Variants in GALNTL6 observed in about 807,000 individuals in gnomAD.
GALNTL6 encodes the protein polypeptide N-acetylgalactosaminyltransferase like 6.
Under a neutral mutation model 73.7 loss-of-function variants are expected in GALNTL6, and 46 were observed. That is an observed-to-expected ratio of 0.62 (90% CI 0.49 to 0.80). The LOEUF (loss-of-function observed/expected upper bound fraction) is 0.80, where lower values mean the gene tolerates loss of function less well. Among genes scored for constraint, GALNTL6 ranks in the 30% least tolerant of loss-of-function variants. The pLI, the probability that GALNTL6 is intolerant of heterozygous loss-of-function variation, is 0.00. For synonymous variants in GALNTL6, 259 were observed against 263.7 expected (o/e 0.98, Z 0.17); for missense variants, 604 against 755.0 (o/e 0.80, Z 2.34).
intron 3 of GALNTL6, among the ~76,000 whole-genome samples, chr4:172,308,419 T>C (rs1740233278): frequency 6.6e-6 from 1 of 151,922 alleles, no homozygotes; most frequent in Non-Finnish European, 1.5e-5. Flanking sequence ...CTCAGGCAAA[T>C]GCTGTGAACT....
rs1387979744 is a variant in GALNTL6, at chr4:172,647,105, T to C, written c.554-162256T>C. ...AAAAATTAGGTCCTAACTTTTGTTATTCACCACACAAGATGTCCTTAAGGA... is the reference window on the plus strand; with the variant it reads ...AAAAATTAGGTCCTAACTTTTGTTACTCACCACACAAGATGTCCTTAAGGA... On this transcript the variant is annotated intron_variant, in intron 5 of 12. Coordinates refer to ENST00000506823, the MANE Select transcript of GALNTL6 (RefSeq NM_001034845.3). Among the ~76,000 whole-genome samples, 3 of 152,080 alleles carry C rather than the reference T, an allele frequency of 2.0e-5. No individual in the cohort carries two copies. The East Asian group carries it at 5.8e-4, about 29-fold the overall frequency.
At chr4:172,534,156 A>C (rs1360566163) in intron 5 of GALNTL6, among the ~76,000 whole-genome samples, 1 of 152,134 alleles carries the variant, frequency 6.6e-6, no homozygotes, top group African/African-American at 2.4e-5. Flanking sequence ...AGTTCTCTTC[A>C]CCCAATGGGT....
chr4:173,027,569 G>A lies in GALNTL6; in HGVS notation c.1638+5944G>A, dbSNP rs1488922496. ...ATAAACTAAATTAATCTAATAGGAA[G>A]TATAGCCAAAAACCCACAACTACCA... On this transcript the variant is annotated intron_variant, in intron 12 of 12. Coordinates refer to ENST00000506823, the MANE Select transcript of GALNTL6 (RefSeq NM_001034845.3). Among the ~76,000 whole-genome samples the A allele has an allele frequency of 2.6e-5, 4 of 152,212 alleles. No homozygotes were observed. In the East Asian group the frequency reaches 7.7e-4, roughly 29 times the overall value.
At chr4:173,009,075 A>G in intron 10 of GALNTL6, 103 bp from the exon 11 acceptor site, 2 of 776,690 alleles carry the variant, frequency 2.6e-6, no homozygotes, top group Non-Finnish European at 4.5e-6. Flanking sequence ...GCATGTAACC[A>G]AAAAGATAAT....
intron 2 of GALNTL6, among the ~76,000 whole-genome samples, chr4:171,919,434 G>C (rs572299057): frequency 2.0e-5 from 3 of 152,050 alleles, no homozygotes; most frequent in Non-Finnish European, 4.4e-5. Flanking sequence ...GTTACCCTAA[G>C]GACTTGTTAG....
intron 5 of GALNTL6, among the ~76,000 whole-genome samples, chr4:172,672,943 A>AT (rs201368664): frequency 6.6e-6 from 1 of 151,756 alleles, no homozygotes; most frequent in African/African-American, 2.4e-5. Context: ...ATAACAGTCT[A>AT]TTTTTTTATT....
intron 9 of GALNTL6, among the ~76,000 whole-genome samples, chr4:172,946,627 A>T (rs1438361048): frequency 6.6e-6 from 1 of 152,214 alleles, no homozygotes; most frequent in Non-Finnish European, 1.5e-5. Flanking sequence ...GCACAAAGAA[A>T]ACAAGACTAG....
At chr4:172,792,979 A>G (rs1308638688) in intron 5 of GALNTL6, among the ~76,000 whole-genome samples, 1 of 152,016 alleles carries the variant, frequency 6.6e-6, no homozygotes, top group Non-Finnish European at 1.5e-5. Flanking sequence ...ATTTGTCTCA[A>G]TCCCCTAAAA....
chr4:172,018,101 A>G (rs562422592), intron 2 of GALNTL6, among the ~76,000 whole-genome samples: 10 of 152,164 alleles, frequency 6.6e-5, no homozygotes, highest in African/African-American at 1.9e-4. Flanking sequence ...CTGGGAGCAG[A>G]GTTATTCTGT....
At chr4:173,033,725 C>T (rs34889280) in intron 12 of GALNTL6, among the ~76,000 whole-genome samples, 3,867 of 152,290 alleles carry the variant, frequency 0.025, 73 homozygotes, top group Non-Finnish European at 0.041. Flanking sequence ...AGGATTAAAA[C>T]TGGTTTCTTA....
intron 5 of GALNTL6, among the ~76,000 whole-genome samples, chr4:172,369,813 G>A (rs1742722465): frequency 1.3e-5 from 2 of 152,068 alleles, no homozygotes; most frequent in South Asian, 2.1e-4. Flanking sequence ...ACTTGTGCAC[G>A]AGCACCTCAT....
At chr4:171,898,804 A>G (rs546916423) in intron 2 of GALNTL6, among the ~76,000 whole-genome samples, 1 of 152,146 alleles carries the variant, frequency 6.6e-6, no homozygotes, top group South Asian at 2.1e-4. Flanking sequence ...TTACATGATA[A>G]TGTACAACTG....
chr4:171,858,889 T>C (rs935374395), intron 2 of GALNTL6, among the ~76,000 whole-genome samples: 1 of 152,172 alleles, frequency 6.6e-6, no homozygotes, highest in Non-Finnish European at 1.5e-5. Flanking sequence ...TATATGTTAG[T>C]ACTAAATAAG....
In GALNTL6 at chr4:171,897,154, G is replaced by T. The variant is rs370185875; in HGVS notation, c.138+82436G>T. Among the ~76,000 whole-genome samples the T allele has an allele frequency of 8.6e-5, 13 of 151,822 alleles. No individual in the cohort carries two copies. The East Asian group carries it at 1.9e-3, about 23-fold the overall frequency. Reference sequence around the variant, plus strand: ...AAAAATCTAGAAATTGAGAACAGAAGAACAATAAAAATAAGTTATTAAAAC... The same window carrying T: ...AAAAATCTAGAAATTGAGAACAGAATAACAATAAAAATAAGTTATTAAAAC... On this transcript the variant is annotated intron_variant, in intron 2 of 12. Coordinates refer to ENST00000506823, the MANE Select transcript of GALNTL6 (RefSeq NM_001034845.3).
intron 2 of GALNTL6, among the ~76,000 whole-genome samples, chr4:172,027,334 G>T (rs1741619095): frequency 6.6e-6 from 1 of 152,088 alleles, no homozygotes; most frequent in Non-Finnish European, 1.5e-5. Flanking sequence ...GTCACATTTT[G>T]ATAATCCTCA....
At chr4:172,244,880 T>C (rs1260123397) in intron 3 of GALNTL6, among the ~76,000 whole-genome samples, 2 of 152,206 alleles carry the variant, frequency 1.3e-5, no homozygotes, top group South Asian at 2.1e-4. Flanking sequence ...ATTGTATTTA[T>C]GCTTTTGCAA....
intron 5 of GALNTL6, among the ~76,000 whole-genome samples, chr4:172,630,566 CA>C (rs1293091517): frequency 2.6e-5 from 4 of 151,984 alleles, no homozygotes; most frequent in Non-Finnish European, 4.4e-5. Flanking sequence ...GTGAAATAGC[CA>C]TTATCTCCAT....
chr4:172,681,016 A>T (rs1732606084), intron 5 of GALNTL6, among the ~76,000 whole-genome samples: 1 of 152,122 alleles, frequency 6.6e-6, no homozygotes, highest in African/African-American at 2.4e-5. Context: ...ACTGACAGGA[A>T]CTTTAGCCTT....
chr4:172,408,113 A>G (rs1282934785), intron 5 of GALNTL6, among the ~76,000 whole-genome samples: 1 of 152,060 alleles, frequency 6.6e-6, no homozygotes, highest in Admixed American at 6.6e-5. Flanking sequence ...TACTTCCTTC[A>G]GAATGTTTCT....
Sources: allele counts gnomAD v4.1 joint callset (sites outside exome capture counted in the v4.1 genomes callset), GRCh38; gene constraint gnomAD v4.1.1; transcripts MANE v1.5; gene names NCBI Gene and HGNC (gene_info 2026-07-23, HGNC 2026-07-21).